Variants in UNC5C observed in about 807,000 individuals in gnomAD.
The protein encoded by UNC5C is netrin receptor UNC5C.
Under a neutral mutation model 99.8 loss-of-function variants are expected in UNC5C, and 47 were observed. That is an observed-to-expected ratio of 0.47 (90% CI 0.37 to 0.60). UNC5C has a LOEUF of 0.60. Among genes scored for constraint, UNC5C ranks in the 20% least tolerant of loss-of-function variants. The probability of loss-of-function intolerance (pLI) is 0.00; values close to 1 mark genes in which losing one functional copy is unlikely to be tolerated. For synonymous variants in UNC5C, 487 were observed against 452.2 expected, an observed-to-expected ratio of 1.08 and a Z score of -0.98; for missense variants, 1,062 against 1,165.9, an observed-to-expected ratio of 0.91 and a Z score of 1.30.
chr4:95,389,327 A>T (rs1315410935), intron 1 of UNC5C, among the ~76,000 whole-genome samples: 4 of 152,190 alleles, frequency 2.6e-5, no homozygotes, highest in Non-Finnish European at 2.9e-5. Flanking sequence ...TTGAAAGGAA[A>T]ATCTAAGTAT....
chr4:95,429,561 A>G (rs1280984295), intron 1 of UNC5C, among the ~76,000 whole-genome samples: 1 of 152,100 alleles, frequency 6.6e-6, no homozygotes, highest in Non-Finnish European at 1.5e-5. Flanking sequence ...AAAAAGAAGA[A>G]AAAAAATTAT....
At chr4:95,304,151 G>A (rs1389424987) in intron 2 of UNC5C, among the ~76,000 whole-genome samples, 1 of 152,196 alleles carries the variant, frequency 6.6e-6, no homozygotes, top group Non-Finnish European at 1.5e-5. Flanking sequence ...TGAAGCCCAA[G>A]ACGGTGGGTT....
chr4:95,423,466 G>C (rs576711524), intron 1 of UNC5C, among the ~76,000 whole-genome samples: 1 of 152,324 alleles, frequency 6.6e-6, no homozygotes, highest in East Asian at 1.9e-4. Context: ...GGAATTGTAT[G>C]TGAGGGATTC....
intron 2 of UNC5C, among the ~76,000 whole-genome samples, chr4:95,320,892 A>G (rs1477556856): frequency 6.6e-6 from 1 of 152,242 alleles, no homozygotes; most frequent in Non-Finnish European, 1.5e-5. Flanking sequence ...ATGTGTTACA[A>G]GTAACCTTGC....
At chr4:95,526,329 C>T (rs894203528) in intron 1 of UNC5C, among the ~76,000 whole-genome samples, 1 of 151,954 alleles carries the variant, frequency 6.6e-6, no homozygotes, top group African/African-American at 2.4e-5. Context: ...ATGTGGTCTC[C>T]CTACCTCTGA....
At chr4:95,372,941 C>G (rs1320184690) in intron 1 of UNC5C, among the ~76,000 whole-genome samples, 1 of 152,182 alleles carries the variant, frequency 6.6e-6, no homozygotes, top group Non-Finnish European at 1.5e-5. Flanking sequence ...TACACCATCA[C>G]AGGAGAGTAA....
At position 95,219,001 on chromosome 4, in the gene UNC5C, G is replaced by A. The variant is rs919830330; in HGVS notation, c.1613C>T (p.Ser538Leu). Residue 538 changes from serine (S) to leucine (L), a missense_variant, in exon 9 of 16, where the codon TCG (serine) becomes TTG (leucine). Coordinates refer to ENST00000453304, the MANE Select transcript of UNC5C (RefSeq NM_003728.4). ...GGGAACAATAAGGTGACCTCCCAGC[G>A]AGTTGAAGCTGCCAAATGCGGTACA... is the stretch of plus-strand genomic sequence containing the variant. ...PSCTAFGSFNSLGGHLIVPNS... is the reference protein window; with the variant it reads ...PSCTAFGSFNLLGGHLIVPNS... The A allele has an allele frequency of 4.3e-6, 7 of 1,612,100 alleles. No individual in the cohort carries two copies. Among genetic ancestry groups the A allele is most frequent in the Non-Finnish European group, 5.9e-6 (7 of 1,178,562 alleles).
At chr4:95,355,512 G>A (rs1744148505) in intron 1 of UNC5C, among the ~76,000 whole-genome samples, 1 of 151,992 alleles carries the variant, frequency 6.6e-6, no homozygotes, top group Admixed American at 6.6e-5. Context: ...CCAGCATGGG[G>A]TTGTTGCCAT....
intron 14 of UNC5C, among the ~76,000 whole-genome samples, chr4:95,178,296 G>T (rs1175614344): frequency 6.6e-6 from 1 of 152,176 alleles, no homozygotes. Context: ...AGTCCTCAAA[G>T]CCTGGTCCAA....
chr4:95,390,176 G>T (rs1745317361), intron 1 of UNC5C, among the ~76,000 whole-genome samples: 1 of 152,152 alleles, frequency 6.6e-6, no homozygotes, highest in Admixed American at 6.5e-5. Flanking sequence ...AAAACTGGGA[G>T]ACATGGGGTG....
intron 14 of UNC5C, among the ~76,000 whole-genome samples, chr4:95,172,366 G>C (rs1302910716): frequency 1.3e-5 from 2 of 150,860 alleles, no homozygotes; most frequent in East Asian, 1.9e-4. Flanking sequence ...GGTTTTTATG[G>C]TTTTAGGTCT....
intron 1 of UNC5C, among the ~76,000 whole-genome samples, chr4:95,526,492 C>T (rs145023718): frequency 1.8e-3 from 273 of 152,076 alleles, no homozygotes; most frequent in South Asian, 5.0e-3. Flanking sequence ...TTTAGTCAAG[C>T]TATACTTTAA....
intron 1 of UNC5C, among the ~76,000 whole-genome samples, chr4:95,493,744 A>C (rs975209058): frequency 6.6e-6 from 1 of 151,450 alleles, no homozygotes; most frequent in African/African-American, 2.4e-5. Flanking sequence ...ATACTGACAA[A>C]AGCTGGCTGT....
intron 1 of UNC5C, among the ~76,000 whole-genome samples, chr4:95,541,997 T>G (rs1269442738): frequency 2.6e-5 from 4 of 152,106 alleles, no homozygotes; most frequent in Non-Finnish European, 5.9e-5. Context: ...TAATCCATGG[T>G]CATCTACATG....
intron 1 of UNC5C, among the ~76,000 whole-genome samples, chr4:95,369,887 C>A (rs1560807525): frequency 6.6e-6 from 1 of 151,324 alleles, no homozygotes; most frequent in Non-Finnish European, 1.5e-5. Flanking sequence ...TTTTTGTAGC[C>A]CCCCCTTTTT....
intron 1 of UNC5C, among the ~76,000 whole-genome samples, chr4:95,534,038 T>C (rs781101476): frequency 8.5e-5 from 13 of 152,228 alleles, no homozygotes; most frequent in Non-Finnish European, 1.6e-4. Flanking sequence ...TTTATAATTA[T>C]GTAGGGACTA....
chr4:95,448,261 A>AGAGAGAGAGAGAGAGAGAGAGG (rs1747178961), intron 1 of UNC5C, among the ~76,000 whole-genome samples: 1 of 149,590 alleles, frequency 6.7e-6, no homozygotes, highest in African/African-American at 2.5e-5. Flanking sequence ...AGAGAGAGAG[A>AGAGAGAGAGAGAGAGAGAGAGG]GAAAGCCTGA....
intron 1 of UNC5C, among the ~76,000 whole-genome samples, chr4:95,429,442 C>G (rs1005165224): frequency 2.6e-5 from 4 of 151,862 alleles, no homozygotes; most frequent in Non-Finnish European, 5.9e-5. Context: ...AGAACTTGAT[C>G]CAGATCAAGA....
chr4:95,225,857 C>T (rs1454029849), intron 7 of UNC5C, among the ~76,000 whole-genome samples: 1 of 152,180 alleles, frequency 6.6e-6, no homozygotes, highest in East Asian at 1.9e-4. Flanking sequence ...CTTTTTCCAT[C>T]ATTTTCAAAA....
Sources: allele counts gnomAD v4.1 joint callset (sites outside exome capture counted in the v4.1 genomes callset), GRCh38; gene constraint gnomAD v4.1.1; transcripts MANE v1.5; gene names NCBI Gene and HGNC (gene_info 2026-07-23, HGNC 2026-07-21).